The following C8A variants were observed in gnomAD, a reference collection of about 807,000 sequenced individuals.
C8A encodes complement component C8 alpha chain.
Under a neutral mutation model 65.3 loss-of-function variants are expected in C8A, and 67 were observed. That is an observed-to-expected ratio of 1.03 (90% CI 0.84 to 1.26). The LOEUF is 1.26. Ranked by LOEUF, C8A falls within the 50% of genes most tolerant of loss-of-function variation. The pLI, the probability that C8A is intolerant of heterozygous loss-of-function variation, is 0.00. For missense variants in C8A, 781 were observed against 723.9 expected (o/e 1.08, Z -0.90); for synonymous variants, 290 against 259.4 (o/e 1.12, Z -1.13).
chr1:56,872,181 C>T (rs1003966639), intron 2 of C8A, among the ~76,000 whole-genome samples: 19 of 152,216 alleles, frequency 1.2e-4, no homozygotes, highest in Admixed American at 2.6e-4. Context: ...AATACCTTTA[C>T]AATTCACTCC....
At chr1:56,908,227 A>T (rs1485499810) in intron 9 of C8A, 114 bp downstream of exon 9, 1 of 1,227,188 alleles carries the variant, frequency 8.1e-7, no homozygotes, top group East Asian at 2.4e-5. Context: ...ATTAAATGTA[A>T]TGGCACACTG....
intron 7 of C8A, among the ~76,000 whole-genome samples, chr1:56,896,599 T>C (rs996895221): frequency 6.6e-6 from 1 of 152,186 alleles, no homozygotes; most frequent in African/African-American, 2.4e-5. Flanking sequence ...CAGTTTACTT[T>C]ATTAAGTCTA....
intron 7 of C8A, among the ~76,000 whole-genome samples, chr1:56,892,011 C>T (rs969527222): frequency 2.6e-5 from 4 of 152,084 alleles, no homozygotes; most frequent in Admixed American, 1.3e-4. Context: ...AGATGCACCA[C>T]GAATACTCAT....
intron 1 of C8A, among the ~76,000 whole-genome samples, chr1:56,866,134 A>G (rs1054161772): frequency 3.9e-5 from 6 of 152,346 alleles, no homozygotes; most frequent in Admixed American, 2.6e-4. Flanking sequence ...CCCCGTTTCA[A>G]CTACATAACC....
At chr1:56,870,792 T>G (rs924693530) in intron 2 of C8A, among the ~76,000 whole-genome samples, 3 of 152,028 alleles carry the variant, frequency 2.0e-5, no homozygotes, top group African/African-American at 7.3e-5. Context: ...GTTTTTAAAG[T>G]AACCCTTAAA....
At position 56,856,634 on chromosome 1, in the gene C8A, A is replaced by G. The variant is rs540910592; in HGVS notation, c.77+1656A>G. Among the ~76,000 whole-genome samples, 55 of 152,264 alleles carry G rather than the reference A, an allele frequency of 3.6e-4. No homozygotes were observed. The South Asian group carries it at 4.8e-3, about 13-fold the overall frequency. On this transcript the variant is annotated intron_variant, in intron 1 of 10. Transcript: ENST00000361249. ...AACCCTAACATTGAAAACATATTAT[A>G]TAGTTTTACATTTTAATGGTACACA... is the stretch of plus-strand genomic sequence containing the variant.
At position 56,907,936 on chromosome 1, in the gene C8A, G is replaced by A. The variant is rs1644478438; in HGVS notation, c.1223-20G>A. The A allele has an allele frequency of 1.2e-6, 2 of 1,614,070 alleles. No individual in the cohort carries two copies. Among genetic ancestry groups the A allele is most frequent in the African/African-American group, 1.3e-5 (1 of 75,040 alleles). On this transcript the variant is annotated intron_variant, in intron 8 of 10. Coordinates refer to ENST00000361249, the MANE Select transcript of C8A (RefSeq NM_000562.3). ...GCTTTTTGGGAAATGAGTTAATGCA[G>A]TTTATCCTCTTGATGGCAGAAAGGG...
chr1:56,865,256 A>T (rs1489048889), intron 1 of C8A, among the ~76,000 whole-genome samples: 1 of 152,242 alleles, frequency 6.6e-6, no homozygotes, highest in African/African-American at 2.4e-5. Flanking sequence ...ACTATAACAA[A>T]TTACCATAGA....
intron 7 of C8A, among the ~76,000 whole-genome samples, chr1:56,901,769 A>T (rs188165309): frequency 3.8e-4 from 57 of 151,962 alleles, no homozygotes; most frequent in African/African-American, 1.4e-3. Context: ...TGTCTGGCTA[A>T]TCCCTACTTG....
At chr1:56,891,399 T>C (rs1014227709) in intron 7 of C8A, among the ~76,000 whole-genome samples, 2 of 152,074 alleles carry the variant, frequency 1.3e-5, no homozygotes, top group Admixed American at 1.3e-4. Context: ...GTAAGAAGTA[T>C]GGACTGTATC....
intron 1 of C8A, among the ~76,000 whole-genome samples, chr1:56,855,377 GTTAAC>G (rs1380465263): frequency 4.6e-5 from 7 of 152,156 alleles, no homozygotes; most frequent in Admixed American, 2.0e-4. Flanking sequence ...GTGCTGAACA[GTTAAC>G]TTAACCCCTA....
At chr1:56,899,646 T>C (rs1198442304) in intron 7 of C8A, among the ~76,000 whole-genome samples, 5 of 152,168 alleles carry the variant, frequency 3.3e-5, no homozygotes, top group Admixed American at 6.5e-5. Context: ...GAAAACCTGA[T>C]TTTACAAACT....
In C8A at chr1:56,867,710, A is replaced by G. The variant is rs189841210; in HGVS notation, c.171+8A>G. The G allele has an allele frequency of 4.2e-4, 680 of 1,607,492 alleles. 1 individual carries two copies. The African/African-American group carries it at 7.9e-3, about 19-fold the overall frequency. On this transcript the variant is annotated splice_region_variant and intron_variant, in intron 2 of 10. Coordinates refer to ENST00000361249, the MANE Select transcript of C8A (RefSeq NM_000562.3). ...CCGTGCCAGGACAAAAAGGTGAGACACTTACAACCGGTTTGGGGGCATTTC... is the reference window on the plus strand; with the variant it reads ...CCGTGCCAGGACAAAAAGGTGAGACGCTTACAACCGGTTTGGGGGCATTTC...
In C8A at chr1:56,885,432, ATATT is replaced by A. The variant is rs1458865089; in HGVS notation, c.856-492_856-489del. Reference sequence around the variant, plus strand: ...TTTATTTAAATATATATTTAAATATATATTTAAGTAAATATATATATATTTCCGT... The same window carrying A: ...TTTATTTAAATATATATTTAAATATATAAGTAAATATATATATATTTCCGT... On this transcript the variant is annotated intron_variant, in intron 6 of 10. Coordinates refer to ENST00000361249, the MANE Select transcript of C8A (RefSeq NM_000562.3). Among the ~76,000 whole-genome samples, 5 of 123,402 alleles carry A rather than the reference ATATT, an allele frequency of 4.1e-5. 1 individual carries two copies. The highest frequency in any genetic ancestry group is 1.2e-4 in the African/African-American group (4 of 34,258). 81.0% of individuals were successfully genotyped at this position (123,402 alleles called of 152,430 possible).
At chr1:56,885,817 T>G in intron 6 of C8A, 110 bp from the exon 7 acceptor site, 1 of 1,470,238 alleles carries the variant, frequency 6.8e-7, no homozygotes, top group Non-Finnish European at 9.4e-7. Flanking sequence ...CCCAAAATGC[T>G]GGGATTACAG....
At chr1:56,900,975 G>A (rs975780246) in intron 7 of C8A, among the ~76,000 whole-genome samples, 16 of 152,220 alleles carry the variant, frequency 1.1e-4, no homozygotes, top group Non-Finnish European at 1.9e-4. Context: ...GCTGTCTGGA[G>A]CTCAGTGGGA....
intron 7 of C8A, among the ~76,000 whole-genome samples, chr1:56,898,890 T>C (rs1644404950): frequency 6.6e-6 from 1 of 152,138 alleles, no homozygotes; most frequent in African/African-American, 2.4e-5. Flanking sequence ...AATTGGACAA[T>C]AAGGAGGGTA....
chr1:56,864,534 G>A (rs1429688780), intron 1 of C8A, among the ~76,000 whole-genome samples: 1 of 152,158 alleles, frequency 6.6e-6, no homozygotes, highest in African/African-American at 2.4e-5. Flanking sequence ...CTATTCACAG[G>A]TGATTCATGA....
intron 3 of C8A, 99 bp downstream of exon 3, chr1:56,875,192 T>G: frequency 3.6e-6 from 5 of 1,385,302 alleles, no homozygotes; most frequent in Non-Finnish European, 5.0e-6. Flanking sequence ...CCTGAGCCCT[T>G]CCTCTCGAGG....
Sources: allele counts gnomAD v4.1 joint callset (sites outside exome capture counted in the v4.1 genomes callset), GRCh38; gene constraint gnomAD v4.1.1; transcripts MANE v1.5; gene names NCBI Gene and HGNC (gene_info 2026-07-23, HGNC 2026-07-21).